Variants in ARHGAP15 observed in about 807,000 individuals in gnomAD.
The protein encoded by ARHGAP15 is rho GTPase-activating protein 15.
In ARHGAP15, 51 loss-of-function variants were observed where a neutral mutation model predicts 63.7. The observed-to-expected ratio is 0.80, with a 90% CI of 0.64 to 1.01. ARHGAP15 has a LOEUF of 1.01. Among genes scored for constraint, ARHGAP15 ranks in the 50% least tolerant of loss-of-function variants. ARHGAP15 has a pLI of 0.00. For synonymous variants in ARHGAP15, 191 were observed against 193.8 expected (o/e 0.99, Z 0.12); for missense variants, 560 against 564.6 (o/e 0.99, Z 0.08).
At position 143,168,393 on chromosome 2, in the gene ARHGAP15, A is replaced by G. The variant is rs372257177; in HGVS notation, c.165+12738A>G. 3.1e-4 allele frequency among the ~76,000 whole-genome samples: 47 copies of G among 152,106 alleles called. 1 individual carries two copies. The East Asian group carries it at 5.2e-3, about 17-fold the overall frequency. ...GGGGTCTTGCTGTGTTGCTCAGGGT[A>G]GTCTAGAACTCCCAGCCTCAAGCAA... On this transcript the variant is annotated intron_variant, in intron 2 of 13. Transcript: ENST00000295095.
At chr2:143,549,019 G>A (rs1230438406) in intron 10 of ARHGAP15, among the ~76,000 whole-genome samples, 3 of 152,040 alleles carry the variant, frequency 2.0e-5, no homozygotes, top group Admixed American at 2.0e-4. Flanking sequence ...TGAAATGAGA[G>A]ATGTACTGAA....
At chr2:143,418,525 A>G (rs1307592649) in intron 6 of ARHGAP15, among the ~76,000 whole-genome samples, 1 of 152,206 alleles carries the variant, frequency 6.6e-6, no homozygotes, top group Admixed American at 6.5e-5. Context: ...GATATAATAT[A>G]CAATCTTATC....
chr2:143,511,482 TAAGTG>T (rs973307445), intron 9 of ARHGAP15, among the ~76,000 whole-genome samples: 2 of 152,168 alleles, frequency 1.3e-5, no homozygotes, highest in African/African-American at 4.8e-5. Flanking sequence ...TTATGGTTGT[TAAGTG>T]AGGAAGAAAG....
chr2:143,551,020 G>A (rs1303824358), intron 10 of ARHGAP15, among the ~76,000 whole-genome samples: 4 of 152,250 alleles, frequency 2.6e-5, no homozygotes, highest in African/African-American at 7.2e-5. Context: ...GAAAGAGGGT[G>A]TACAGATAAG....
intron 9 of ARHGAP15, among the ~76,000 whole-genome samples, chr2:143,508,397 AC>A (rs1385328218): frequency 6.6e-6 from 1 of 152,094 alleles, no homozygotes; most frequent in African/African-American, 2.4e-5. Flanking sequence ...AGCGCTTATC[AC>A]CATCTGACAT....
At chr2:143,431,284 T>C (rs575790889) in intron 6 of ARHGAP15, among the ~76,000 whole-genome samples, 1 of 152,216 alleles carries the variant, frequency 6.6e-6, no homozygotes, top group Admixed American at 6.5e-5. Context: ...AATCAAGATC[T>C]TTGTAATCTC....
chr2:143,437,156 G>C (rs190614239), intron 8 of ARHGAP15, 114 bp downstream of exon 8: 2 of 1,244,466 alleles, frequency 1.6e-6, no homozygotes, highest in Admixed American at 6.2e-5. Flanking sequence ...TGGAAGATTC[G>C]TAGCCATTTC....
intron 12 of ARHGAP15, among the ~76,000 whole-genome samples, chr2:143,653,528 C>T (rs1016088907): frequency 5.9e-5 from 9 of 152,186 alleles, no homozygotes; most frequent in Middle Eastern, 6.8e-3. Flanking sequence ...TAAATTTGTT[C>T]ATAATATTTT....
intron 12 of ARHGAP15, among the ~76,000 whole-genome samples, chr2:143,665,028 A>T (rs1436838967): frequency 2.0e-5 from 3 of 152,056 alleles, no homozygotes; most frequent in African/African-American, 7.2e-5. Context: ...AACTATTCCA[A>T]TCAATAGAAA....
chr2:143,395,023 C>G (rs952082198), intron 6 of ARHGAP15, among the ~76,000 whole-genome samples: 2 of 152,120 alleles, frequency 1.3e-5, no homozygotes, highest in African/African-American at 4.8e-5. Flanking sequence ...AAGACACTGT[C>G]TTTCTGGATC....
chr2:143,356,568 C>G (rs935152133), intron 6 of ARHGAP15, among the ~76,000 whole-genome samples: 1 of 152,042 alleles, frequency 6.6e-6, no homozygotes, highest in African/African-American at 2.4e-5. Flanking sequence ...AAATGTAAAA[C>G]AGGATTAAAG....
intron 8 of ARHGAP15, among the ~76,000 whole-genome samples, chr2:143,484,715 C>A (rs1307737543): frequency 6.6e-6 from 1 of 151,982 alleles, no homozygotes; most frequent in Middle Eastern, 3.2e-3. Flanking sequence ...CTTCTGGTAG[C>A]CACATTTTAA....
intron 12 of ARHGAP15, among the ~76,000 whole-genome samples, chr2:143,675,384 A>G (rs1166689938): frequency 6.6e-6 from 1 of 152,144 alleles, no homozygotes; most frequent in African/African-American, 2.4e-5. Context: ...CCTATGAATC[A>G]TGAATGTTCT....
At chr2:143,252,039 T>C (rs1680181399) in intron 6 of ARHGAP15, among the ~76,000 whole-genome samples, 1 of 152,066 alleles carries the variant, frequency 6.6e-6, no homozygotes, top group Non-Finnish European at 1.5e-5. Context: ...TATTATGTAC[T>C]GTGAATTTAG....
chr2:143,700,882 G>T (rs1370124724), intron 12 of ARHGAP15, among the ~76,000 whole-genome samples: 1 of 152,014 alleles, frequency 6.6e-6, no homozygotes, highest in Non-Finnish European at 1.5e-5. Flanking sequence ...GGCCCCAGTT[G>T]GTCTTGTGAA....
chr2:143,612,366 C>A (rs77251259), intron 11 of ARHGAP15, among the ~76,000 whole-genome samples: 1 of 152,172 alleles, frequency 6.6e-6, no homozygotes, highest in Non-Finnish European at 1.5e-5. Flanking sequence ...CAGCCAGTTG[C>A]ATCCAAAAGC....
intron 2 of ARHGAP15, among the ~76,000 whole-genome samples, chr2:143,190,537 T>C (rs532768684): frequency 6.6e-6 from 1 of 152,292 alleles, no homozygotes; most frequent in East Asian, 1.9e-4. Flanking sequence ...CACACTCACC[T>C]CTTCCCTCTG....
At chr2:143,174,227 A>G (rs1342869684) in intron 2 of ARHGAP15, among the ~76,000 whole-genome samples, 6 of 152,104 alleles carry the variant, frequency 3.9e-5, no homozygotes, top group African/African-American at 1.4e-4. Context: ...GCTGTAACTG[A>G]AACGTTATCT....
At chr2:143,730,526 C>T (rs1385213335) in intron 13 of ARHGAP15, among the ~76,000 whole-genome samples, 1 of 152,134 alleles carries the variant, frequency 6.6e-6, no homozygotes, top group Non-Finnish European at 1.5e-5. Context: ...TAAGGGGTGT[C>T]TTCTGAAAAT....
Sources: gnomAD v4.1 joint callset for allele counts (sites outside exome capture counted in the v4.1 genomes callset) on GRCh38, gnomAD v4.1.1 for gene constraint, MANE v1.5 for transcripts, NCBI Gene and HGNC (gene_info 2026-07-23, HGNC 2026-07-21) for gene names.